Variants in CNTD1 observed in about 807,000 individuals in gnomAD.
CNTD1 encodes the protein cyclin N-terminal domain containing 1.
A neutral mutation model predicts 36.3 loss-of-function variants in CNTD1; 17 were observed. That is an observed-to-expected ratio of 0.47 (90% CI 0.32 to 0.70). The LOEUF (loss-of-function observed/expected upper bound fraction) is 0.70, where lower values mean the gene tolerates loss of function less well. Ranked by LOEUF, CNTD1 falls within the 30% of genes least tolerant of loss-of-function variation. The pLI, the probability that CNTD1 is intolerant of heterozygous loss-of-function variation, is 0.03. For synonymous variants in CNTD1, 128 were observed against 153.3 expected (o/e 0.83, Z 1.22); for missense variants, 338 against 386.1 (o/e 0.88, Z 1.04).
At chr17:42,808,551 AT>A (rs1388569801) in intron 6 of CNTD1, among the ~76,000 whole-genome samples, 55 of 138,462 alleles carry the variant, frequency 4.0e-4, no homozygotes, top group African/African-American at 1.0e-3. Flanking sequence ...ACCCCATCTC[AT>A]TAAAAAAAAA....
intron 5 of CNTD1, among the ~76,000 whole-genome samples, chr17:42,807,198 G>A (rs564845193): frequency 5.3e-5 from 8 of 152,072 alleles, no homozygotes; most frequent in Non-Finnish European, 8.8e-5. Flanking sequence ...GGCAGATCAC[G>A]AGGTCAGGAG....
rs2054720702 is a variant in CNTD1 at position 42,798,899 on chromosome 17, A to C, written c.-169A>C. Reference sequence around the variant, plus strand: ...CCGTTGGGGCGGGAAAAAGCTGTGGAGGGTTCGAGGCTGTGGTGGTAATTG... The same window carrying C: ...CCGTTGGGGCGGGAAAAAGCTGTGGCGGGTTCGAGGCTGTGGTGGTAATTG... On this transcript the variant is annotated 5_prime_UTR_variant, in exon 1 of 7. Transcript: ENST00000588408. The C allele has an allele frequency of 6.9e-7, 1 of 1,443,222 alleles. No homozygotes were observed. The highest frequency in any genetic ancestry group is 1.4e-5 in the African/African-American group (1 of 69,668). 89.4% of individuals were successfully genotyped at this position (1,443,222 alleles called of 1,614,324 possible).
In CNTD1 at chr17:42,799,119, G is replaced by GGA. The variant is rs1226182825; in HGVS notation, c.54_55dup (p.Val19GlufsTer23). 1 of 1,614,026 alleles carries GGA rather than the reference G, an allele frequency of 6.2e-7. No homozygotes were observed. The highest frequency in any genetic ancestry group is 1.3e-5 in the African/African-American group (1 of 74,902). On this transcript the variant is annotated frameshift_variant, in exon 1 of 7. Coordinates refer to ENST00000588408, the MANE Select transcript of CNTD1 (RefSeq NM_173478.3). LOFTEE classifies it high-confidence loss of function. ...GGCCTCCCTCGTTGACTTTCAGTTT[G>GGA]GAGTTGTCGCCACAGAGACGATTGA...
intron 6 of CNTD1, 120 bp downstream of exon 6, chr17:42,807,984 G>A: frequency 1.5e-6 from 1 of 685,378 alleles, no homozygotes; most frequent in Non-Finnish European, 2.5e-6. Context: ...GGATTAGGAT[G>A]GGTGTGCAAG....
At chr17:42,807,736 G>A (rs775179538) in intron 5 of CNTD1, 32 bp from the exon 6 acceptor site, 28 of 1,462,424 alleles carry the variant, frequency 1.9e-5, no homozygotes, top group Non-Finnish European at 1.4e-5. Flanking sequence ...TTCCATTCTA[G>A]CTTTAAAATT....
chr17:42,806,073 C>A (rs1031402793), intron 4 of CNTD1, among the ~76,000 whole-genome samples, 189 bp downstream of exon 4: 2 of 152,006 alleles, frequency 1.3e-5, no homozygotes, highest in Admixed American at 1.3e-4. Flanking sequence ...ACTAAAAATA[C>A]AAAAATTAGC....
chr17:42,809,628 A>C lies in CNTD1; in HGVS notation c.*93A>C, dbSNP rs1387432903. On this transcript the variant is annotated 3_prime_UTR_variant, in exon 7 of 7. Coordinates refer to ENST00000588408, the MANE Select transcript of CNTD1 (RefSeq NM_173478.3). ...TCATACTAAGGGTACAAAAATTCCA[A>C]GTCTCTTTTGAACTGTATTTTGTAT... 1 of 1,200,944 alleles carries C rather than the reference A, an allele frequency of 8.3e-7. No homozygotes were observed. The highest frequency in any genetic ancestry group is 1.2e-6 in the Non-Finnish European group (1 of 849,150). The allele number at this position is 1,200,944 out of a possible 1,614,324, so 74.4% of individuals were successfully genotyped here.
Position 42,806,765 on chromosome 17 carries a change from T to A in CNTD1, c.672T>A (p.Tyr224Ter), listed in dbSNP as rs1023933814. ...TCTATCTTCTGCATGAACCCATATA[T>A]GAGAGCCTGTTGAGGGCTTCAATTG... is the stretch of plus-strand genomic sequence containing the variant. Reference protein sequence around the residue: ...DLVYLLHEPIYESLLRASIEN... With the variant: ...DLVYLLHEPI Residue 224 changes from tyrosine (Y) to a stop codon, truncating the protein, a stop_gained, in exon 5 of 7, where the codon TAT (tyrosine) becomes TAA (stop). Transcript: ENST00000588408. LOFTEE classifies it high-confidence loss of function. 1.2e-6 allele frequency: 2 copies of A among 1,614,144 alleles called. No individual in the cohort carries two copies. Among genetic ancestry groups the A allele is most frequent in the Non-Finnish European group, 1.7e-6 (2 of 1,180,012 alleles).
intron 1 of CNTD1, among the ~76,000 whole-genome samples, chr17:42,800,285 A>T (rs576540009): frequency 3.3e-5 from 5 of 152,246 alleles, no homozygotes; most frequent in African/African-American, 1.2e-4. Flanking sequence ...TGGCCCAGGC[A>T]TCGGGACATT....
chr17:42,805,691 A>AT, intron 3 of CNTD1, 31 bp from the exon 4 acceptor site: 1 of 1,579,810 alleles, frequency 6.3e-7, no homozygotes, highest in South Asian at 1.1e-5. Flanking sequence ...TTATCCTAAC[A>AT]TTCTTCTTTC....
chr17:42,799,386 G>A, intron 1 of CNTD1, 150 bp downstream of exon 1: 1 of 877,700 alleles, frequency 1.1e-6, no homozygotes, highest in Non-Finnish European at 1.7e-6. Flanking sequence ...TGATGGATAA[G>A]TCACAACAGT....
rs1158075057 is a variant in CNTD1, at chr17:42,804,347, G to A, written c.368G>A (p.Arg123His). ...KQQLVNKFTL[R>H]LVSCVQLASK... Reference sequence around the variant, plus strand: ...CAGCTTGTCAACAAGTTTACTCTCCGTCTTGTGTCATGTGTTCAGCTGGCC... The same window carrying A: ...CAGCTTGTCAACAAGTTTACTCTCCATCTTGTGTCATGTGTTCAGCTGGCC... Residue 123 changes from arginine to histidine, a missense_variant, in exon 3 of 7, where the codon CGT becomes CAT. Transcript: ENST00000588408. 1.7e-5 allele frequency: 28 copies of A among 1,613,972 alleles called. No individual in the cohort carries two copies. The highest frequency in any genetic ancestry group is 2.2e-5 in the Non-Finnish European group (26 of 1,180,022).
chr17:42,805,949 G>C lies in CNTD1; in HGVS notation c.580+65G>C, dbSNP rs902063377. 2.8e-6 allele frequency: 4 copies of C among 1,445,710 alleles called. No individual in the cohort carries two copies. The African/African-American group carries it at 4.3e-5, about 15-fold the overall frequency. 89.6% of individuals were successfully genotyped at this position (1,445,710 alleles called of 1,614,324 possible). On this transcript the variant is annotated intron_variant, in intron 4 of 6. Transcript: ENST00000588408. ...ATAGAAGGCAATACAAAATGTGCAT[G>C]GGGGGGCATGGCTCATGCCTGTAAT...
chr17:42,800,263 G>T (rs1323051162), intron 1 of CNTD1, among the ~76,000 whole-genome samples: 1 of 152,054 alleles, frequency 6.6e-6, no homozygotes, highest in Non-Finnish European at 1.5e-5. Context: ...GTAATAGGAA[G>T]AATTCAGGGG....
At position 42,811,319 on chromosome 17, in the gene CNTD1, A is replaced by C; in HGVS notation, c.*1784A>C. 1 of 285,318 alleles carries C rather than the reference A, an allele frequency of 3.5e-6. No homozygotes were observed. The highest frequency in any genetic ancestry group is 6.4e-6 in the Non-Finnish European group (1 of 155,468). The allele number at this position is 285,318 out of a possible 1,614,324, so 17.7% of individuals were successfully genotyped here. A position where few individuals can be genotyped will look rare whatever the true frequency, so the allele number is the denominator to read the frequency against. On this transcript the variant is annotated 3_prime_UTR_variant, in exon 7 of 7. Coordinates refer to ENST00000588408, the MANE Select transcript of CNTD1 (RefSeq NM_173478.3). ...TAAGTAAAAACTAGAGTTTCCATCC[A>C]TCAATGGGATCCTAGAAAAATCAAA...
At chr17:42,803,724 C>T (rs369724099) in intron 2 of CNTD1, 29 bp downstream of exon 2, 23 of 1,562,090 alleles carry the variant, frequency 1.5e-5, no homozygotes, top group African/African-American at 5.4e-5. Flanking sequence ...GCCTTTTGAA[C>T]GGCACCTCTC....
At chr17:42,803,732 C>T (rs767690461) in intron 2 of CNTD1, 37 bp downstream of exon 2, 1 of 1,504,288 alleles carries the variant, frequency 6.6e-7, no homozygotes, top group Admixed American at 1.7e-5. Flanking sequence ...AACGGCACCT[C>T]TCAGAGTGGC....
chr17:42,811,107 G>A lies in CNTD1; in HGVS notation c.*1572G>A, dbSNP rs908600020. 8.5e-6 allele frequency: 5 copies of A among 591,092 alleles called. No individual in the cohort carries two copies. The Admixed American group carries it at 1.4e-4, about 17-fold the overall frequency. 36.6% of individuals were successfully genotyped at this position (591,092 alleles called of 1,614,324 possible). ...AAAAATCAAGAAGACTGTCACAAGA[G>A]CCTCATTGTCATTGCAGAGTACAGG... is the stretch of plus-strand genomic sequence containing the variant. On this transcript the variant is annotated 3_prime_UTR_variant, in exon 7 of 7. Coordinates refer to ENST00000588408, the MANE Select transcript of CNTD1 (RefSeq NM_173478.3).
In CNTD1 at chr17:42,804,083, C is replaced by T. The variant is rs557354954; in HGVS notation, c.246-142C>T. On this transcript the variant is annotated intron_variant, in intron 2 of 6. Coordinates refer to ENST00000588408, the MANE Select transcript of CNTD1 (RefSeq NM_173478.3). ...TGAACTCCTGGGCTCAAGTCATCTGCCTGCCTTGGCCTCCCAAAGTGCTGG... is the reference window on the plus strand; with the variant it reads ...TGAACTCCTGGGCTCAAGTCATCTGTCTGCCTTGGCCTCCCAAAGTGCTGG... 29 of 675,500 alleles carry T rather than the reference C, an allele frequency of 4.3e-5. No individual in the cohort carries two copies. The African/African-American group carries it at 5.1e-4, about 12-fold the overall frequency. 41.8% of individuals were successfully genotyped at this position (675,500 alleles called of 1,614,324 possible).
Sources: allele counts gnomAD v4.1 joint callset (sites outside exome capture counted in the v4.1 genomes callset), GRCh38; gene constraint gnomAD v4.1.1; transcripts MANE v1.5; gene names NCBI Gene and HGNC (gene_info 2026-07-23, HGNC 2026-07-21).